The following MAST4 variants were observed in gnomAD, a reference collection of about 807,000 sequenced individuals.
MAST4 encodes the protein microtubule-associated serine/threonine-protein kinase 4.
A neutral mutation model predicts 162.7 loss-of-function variants in MAST4; 89 were observed. The observed-to-expected ratio is 0.55, with a 90% CI of 0.46 to 0.65. MAST4 has a LOEUF of 0.65. Ranked by LOEUF, MAST4 falls within the 30% of genes least tolerant of loss-of-function variation. The pLI, the probability that MAST4 is intolerant of heterozygous loss-of-function variation, is 0.00. For synonymous variants in MAST4, 1,479 were observed against 1,361.1 expected, an observed-to-expected ratio of 1.09 and a Z score of -1.91; for missense variants, 3,153 against 3,374.0, an observed-to-expected ratio of 0.93 and a Z score of 1.62.
chr5:67,002,386 TA>T (rs1751392109), intron 4 of MAST4, among the ~76,000 whole-genome samples: 1 of 152,204 alleles, frequency 6.6e-6, no homozygotes, highest in Non-Finnish European at 1.5e-5. Flanking sequence ...TTACTAATAT[TA>T]AATGCCTATA....
chr5:66,874,096 G>T (rs1761129750), intron 3 of MAST4, among the ~76,000 whole-genome samples: 1 of 152,138 alleles, frequency 6.6e-6, no homozygotes, highest in Admixed American at 6.5e-5. Flanking sequence ...GGGTTAGGGG[G>T]AAAACAAAGA....
At chr5:67,113,035 C>G (rs532023364) in intron 11 of MAST4, among the ~76,000 whole-genome samples, 1 of 152,218 alleles carries the variant, frequency 6.6e-6, no homozygotes, top group Non-Finnish European at 1.5e-5. Context: ...GGATGAAGGC[C>G]AGGTGTGGTG....
chr5:67,045,813 C>T (rs1344712460), intron 4 of MAST4, among the ~76,000 whole-genome samples: 1 of 152,142 alleles, frequency 6.6e-6, no homozygotes, highest in East Asian at 1.9e-4. Flanking sequence ...GTTAAAATAA[C>T]ACAAGCTATT....
At chr5:66,815,738 A>T (rs1756686367) in intron 3 of MAST4, among the ~76,000 whole-genome samples, 5 of 152,218 alleles carry the variant, frequency 3.3e-5, no homozygotes, top group Admixed American at 2.6e-4. Context: ...TTAATTTATT[A>T]GGTTTGTCTG....
At chr5:66,852,256 T>G (rs1398122813) in intron 3 of MAST4, among the ~76,000 whole-genome samples, 2 of 152,266 alleles carry the variant, frequency 1.3e-5, no homozygotes, top group East Asian at 3.9e-4. Flanking sequence ...CAGGTGGTCC[T>G]CCCACCACAG....
At chr5:67,059,259 G>C (rs149124) in intron 5 of MAST4, among the ~76,000 whole-genome samples, 65,036 of 152,052 alleles carry the variant, frequency 0.43, 14,453 homozygotes, top group African/African-American at 0.53. Context: ...TCTGACTGCT[G>C]CTCCTTCCAT....
chr5:66,950,937 T>G (rs945012062), intron 4 of MAST4, among the ~76,000 whole-genome samples: 3 of 152,214 alleles, frequency 2.0e-5, no homozygotes, highest in Admixed American at 2.0e-4. Context: ...CTTAACATTA[T>G]GTTTGCAAGG....
At chr5:66,913,038 A>G (rs1580853405) in intron 4 of MAST4, among the ~76,000 whole-genome samples, 1 of 152,206 alleles carries the variant, frequency 6.6e-6, no homozygotes, top group African/African-American at 2.4e-5. Flanking sequence ...AGTAGCATGA[A>G]CCAGTTTCAG....
chr5:67,017,265 T>C (rs980117100), intron 4 of MAST4, among the ~76,000 whole-genome samples: 7 of 152,224 alleles, frequency 4.6e-5, no homozygotes, highest in African/African-American at 1.4e-4. Context: ...CTTTTGGTGA[T>C]ACAATATGTG....
intron 18 of MAST4, among the ~76,000 whole-genome samples, chr5:67,135,077 G>T (rs989311337): frequency 2.0e-5 from 3 of 152,078 alleles, no homozygotes; most frequent in African/African-American, 4.8e-5. Context: ...CATAAATAGG[G>T]AAAATGGCTA....
intron 4 of MAST4, among the ~76,000 whole-genome samples, chr5:66,961,568 C>G (rs937303275): frequency 6.6e-6 from 1 of 152,190 alleles, no homozygotes; most frequent in African/African-American, 2.4e-5. Flanking sequence ...TTAATTTATA[C>G]AGAAATTTAT....
chr5:66,980,728 T>A (rs1303189641), intron 4 of MAST4, among the ~76,000 whole-genome samples: 1 of 152,254 alleles, frequency 6.6e-6, no homozygotes, highest in Non-Finnish European at 1.5e-5. Context: ...AACTCAGAGA[T>A]AATGTTTACG....
At chr5:66,675,199 G>C (rs1747866429) in intron 1 of MAST4, among the ~76,000 whole-genome samples, 1 of 152,214 alleles carries the variant, frequency 6.6e-6, no homozygotes, top group African/African-American at 2.4e-5. Flanking sequence ...TGTTCTGTGA[G>C]ACTGTACATG....
In MAST4 at chr5:67,018,740, T is replaced by C. The variant is rs573895967; in HGVS notation, c.675-35664T>C. ...AGAAGGAATCTTAAGAGTTTTTCTA[T>C]GCAAGTGAAGATGGAAGAAAATATG... On this transcript the variant is annotated intron_variant, in intron 4 of 28. Coordinates refer to ENST00000403625, the MANE Select transcript of MAST4 (RefSeq NM_001164664.2). Among the ~76,000 whole-genome samples, 3 of 152,306 alleles carry C rather than the reference T, an allele frequency of 2.0e-5. No homozygotes were observed. The East Asian group carries it at 5.8e-4, about 29-fold the overall frequency.
At chr5:66,900,843 A>G (rs1454900548) in intron 4 of MAST4, among the ~76,000 whole-genome samples, 2 of 152,152 alleles carry the variant, frequency 1.3e-5, no homozygotes, top group African/African-American at 2.4e-5. Flanking sequence ...CAGCCTTTGC[A>G]TCTAAGAACC....
Position 66,804,252 on chromosome 5 carries a change from AGCAACTATTAGTATAATAGGGCT to A in MAST4, c.642+15462_642+15484del, listed in dbSNP as rs565102316. The stretch of plus-strand genomic sequence containing the variant: ...GCTGAACGAAGTAGGAATGTATATC[AGCAACTATTAGTATAATAGGGCT>A]GCATAATAAATCACAATTCCCCAGT... On this transcript the variant is annotated intron_variant, in intron 3 of 28. Transcript: ENST00000403625. Among the ~76,000 whole-genome samples, 927 of 152,318 alleles carry A rather than the reference AGCAACTATTAGTATAATAGGGCT, an allele frequency of 6.1e-3. 13 individuals carry two copies. The highest frequency in any genetic ancestry group is 0.021 in the African/African-American group (885 of 41,584).
intron 4 of MAST4, among the ~76,000 whole-genome samples, chr5:66,956,023 A>G (rs1477741486): frequency 6.6e-6 from 1 of 150,486 alleles, no homozygotes; most frequent in Non-Finnish European, 1.5e-5. Flanking sequence ...GGGTCTTGCT[A>G]TGTTGTCCAT....
intron 8 of MAST4, 129 bp from the exon 9 acceptor site, chr5:67,102,404 GTTT>G: frequency 1.2e-6 from 1 of 805,134 alleles, no homozygotes; most frequent in Non-Finnish European, 2.2e-6. Context: ...TGATTTTGTA[GTTT>G]ATTATCTGAT....
intron 1 of MAST4, among the ~76,000 whole-genome samples, chr5:66,615,798 A>G (rs2149400361): frequency 6.6e-6 from 1 of 152,252 alleles, no homozygotes; most frequent in African/African-American, 2.4e-5. Flanking sequence ...ACAGAGCGAG[A>G]TCCTTGACTC....
Sources: gnomAD v4.1 joint callset for allele counts (sites outside exome capture counted in the v4.1 genomes callset) on GRCh38, gnomAD v4.1.1 for gene constraint, MANE v1.5 for transcripts, NCBI Gene and HGNC (gene_info 2026-07-23, HGNC 2026-07-21) for gene names.